The following MARCHF1 variants were observed in gnomAD, a reference collection of about 807,000 sequenced individuals.
MARCHF1 encodes the protein membrane associated ring-CH-type finger 1, also known as E3 ubiquitin-protein ligase MARCHF1.
Under a neutral mutation model 54.2 loss-of-function variants are expected in MARCHF1, and 40 were observed. The ratio of observed to expected loss-of-function variants is 0.74; its 90% CI spans 0.57 to 0.96. The LOEUF (loss-of-function observed/expected upper bound fraction) is 0.96. MARCHF1 is among the 40% of genes least tolerant of loss of function. The probability of loss-of-function intolerance (pLI) is 0.00; values close to 1 mark genes in which losing one functional copy is unlikely to be tolerated. For missense variants in MARCHF1, 586 were observed against 656.5 expected, an observed-to-expected ratio of 0.89 and a Z score of 1.17; for synonymous variants, 236 against 236.3, an observed-to-expected ratio of 1.00 and a Z score of 0.01.
chr4:163,856,210 A>G (rs541952798), intron 3 of MARCHF1, among the ~76,000 whole-genome samples: 1 of 152,340 alleles, frequency 6.6e-6, no homozygotes, highest in South Asian at 2.1e-4. Context: ...AAGTATTATA[A>G]CAAAATGCCA....
intron 8 of MARCHF1, chr4:163,555,829 G>A (rs1579059115): frequency 2.5e-6 from 1 of 400,726 alleles, no homozygotes; most frequent in Non-Finnish European, 5.2e-6. Flanking sequence ...CATTTCTGTT[G>A]TGGGCTCTTC....
rs80077172 is a variant in MARCHF1 at position 163,909,281 on chromosome 4, G to T, written c.-38-55112C>A. Among the ~76,000 whole-genome samples, 1,060 of 152,260 alleles carry T rather than the reference G, an allele frequency of 7.0e-3. 12 individuals carry two copies. Among genetic ancestry groups the T allele is most frequent in the East Asian group, 0.034 (174 of 5,178 alleles). On this transcript the variant is annotated intron_variant, in intron 3 of 9. Coordinates refer to ENST00000514618, the MANE Select transcript of MARCHF1 (RefSeq NM_001394959.1). Reference sequence around the variant, plus strand: ...AACAGTAAGTGTTTGAATGTGAGATGATAATATACTCTTGTAGCACTCCAG... The same window carrying T: ...AACAGTAAGTGTTTGAATGTGAGATTATAATATACTCTTGTAGCACTCCAG...
chr4:163,760,819 T>A (rs1746807000), intron 4 of MARCHF1, among the ~76,000 whole-genome samples: 1 of 152,228 alleles, frequency 6.6e-6, no homozygotes, highest in Non-Finnish European at 1.5e-5. Flanking sequence ...TTAGCCAACA[T>A]TTCATCTTAT....
chr4:163,819,293 G>A (rs569112903), intron 4 of MARCHF1, among the ~76,000 whole-genome samples: 17 of 152,076 alleles, frequency 1.1e-4, no homozygotes, highest in African/African-American at 3.9e-4. Context: ...CTATCCATGG[G>A]CTTTAACTTT....
chr4:163,698,533 T>A (rs1272263003), intron 5 of MARCHF1, among the ~76,000 whole-genome samples: 1 of 152,200 alleles, frequency 6.6e-6, no homozygotes, highest in Admixed American at 6.6e-5. Context: ...TGTTTAAGAA[T>A]AGAGTTTTTT....
chr4:164,013,430 T>C (rs904661868), intron 2 of MARCHF1, among the ~76,000 whole-genome samples: 1 of 152,092 alleles, frequency 6.6e-6, no homozygotes, highest in African/African-American at 2.4e-5. Flanking sequence ...AGGACAAATA[T>C]AGGCGTTATT....
chr4:163,623,119 C>T (rs2110965244), intron 5 of MARCHF1, among the ~76,000 whole-genome samples: 1 of 152,246 alleles, frequency 6.6e-6, no homozygotes, highest in South Asian at 2.1e-4. Context: ...CAGAAATTGC[C>T]ATGCATTCCT....
intron 1 of MARCHF1, among the ~76,000 whole-genome samples, chr4:164,335,750 T>C (rs1426659867): frequency 6.6e-6 from 1 of 152,176 alleles, no homozygotes; most frequent in Non-Finnish European, 1.5e-5. Context: ...AGCAGTAAAG[T>C]AGTTTTAAAT....
Position 163,643,947 on chromosome 4 carries a change from G to T in MARCHF1, c.163-30554C>A, listed in dbSNP as rs1742656894. ...AAGAAAGGAATGTAAGAGTACAAATGACAATAGTATTGTGTAATTGTTTTC... is the reference window on the plus strand; with the variant it reads ...AAGAAAGGAATGTAAGAGTACAAATTACAATAGTATTGTGTAATTGTTTTC... On this transcript the variant is annotated intron_variant, in intron 5 of 9. Transcript: ENST00000514618. Among the ~76,000 whole-genome samples, 3 of 152,116 alleles carry T rather than the reference G, an allele frequency of 2.0e-5. No homozygotes were observed. In the South Asian group the frequency reaches 6.2e-4, roughly 32 times the overall value.
intron 3 of MARCHF1, among the ~76,000 whole-genome samples, chr4:163,909,873 G>A (rs1169100572): frequency 6.6e-6 from 1 of 152,130 alleles, no homozygotes; most frequent in Non-Finnish European, 1.5e-5. Flanking sequence ...ATAAAAATGA[G>A]ATATGCTAGT....
intron 3 of MARCHF1, among the ~76,000 whole-genome samples, chr4:163,900,088 C>T (rs1252384117): frequency 1.3e-5 from 2 of 152,020 alleles, no homozygotes; most frequent in Admixed American, 6.6e-5. Context: ...TATCCATTGC[C>T]TTCATCAAGA....
At chr4:164,277,397 A>C (rs1733915264) in intron 1 of MARCHF1, among the ~76,000 whole-genome samples, 1 of 152,266 alleles carries the variant, frequency 6.6e-6, no homozygotes, top group Non-Finnish European at 1.5e-5. Context: ...ATTCTACAAT[A>C]TAAGTTCCTG....
At chr4:163,611,915 G>A (rs143627562) in intron 7 of MARCHF1, among the ~76,000 whole-genome samples, 73 of 152,146 alleles carry the variant, frequency 4.8e-4, no homozygotes, top group African/African-American at 1.7e-3. Flanking sequence ...CAGGATGCCA[G>A]CAAATTTGCA....
At chr4:164,130,596 TC>T (rs1156411290) in intron 1 of MARCHF1, among the ~76,000 whole-genome samples, 1 of 152,166 alleles carries the variant, frequency 6.6e-6, no homozygotes, top group Non-Finnish European at 1.5e-5. Context: ...CAATGCTTTG[TC>T]CTTAACAAAG....
intron 2 of MARCHF1, among the ~76,000 whole-genome samples, chr4:164,109,852 G>A (rs902261097): frequency 4.4e-5 from 6 of 135,846 alleles, no homozygotes; most frequent in East Asian, 2.1e-4. Context: ...ACAAACCCCC[G>A]GGACAAGAGT....
At chr4:164,128,416 TA>T (rs1179786175) in intron 1 of MARCHF1, among the ~76,000 whole-genome samples, 1 of 151,854 alleles carries the variant, frequency 6.6e-6, no homozygotes, top group Non-Finnish European at 1.5e-5. Context: ...ACAATGCTCT[TA>T]AAAATTAAGA....
At chr4:163,854,380 A>G (rs1560789247) in intron 3 of MARCHF1, among the ~76,000 whole-genome samples, 1 of 152,208 alleles carries the variant, frequency 6.6e-6, no homozygotes, top group East Asian at 1.9e-4. Context: ...ACATCTTTTC[A>G]AAGGGCCTAA....
intron 4 of MARCHF1, among the ~76,000 whole-genome samples, chr4:163,728,305 A>C (rs1415869902): frequency 6.6e-6 from 1 of 152,172 alleles, no homozygotes. Flanking sequence ...TATTTCATTG[A>C]ATATTCTGAG....
chr4:164,279,690 GA>G (rs1279539978), intron 1 of MARCHF1, among the ~76,000 whole-genome samples: 5 of 151,406 alleles, frequency 3.3e-5, no homozygotes, highest in African/African-American at 1.2e-4. Flanking sequence ...TTCATAAATT[GA>G]AAATTTTTAG....
Sources: gnomAD v4.1 joint callset for allele counts (sites outside exome capture counted in the v4.1 genomes callset) on GRCh38, gnomAD v4.1.1 for gene constraint, MANE v1.5 for transcripts, NCBI Gene and HGNC (gene_info 2026-07-23, HGNC 2026-07-21) for gene names.